The following MAPKAP1 variants were observed in gnomAD, a reference collection of about 807,000 sequenced individuals.
The protein encoded by MAPKAP1 is target of rapamycin complex 2 subunit MAPKAP1.
Under a neutral mutation model 65.7 loss-of-function variants are expected in MAPKAP1, and 20 were observed. That is an observed-to-expected ratio of 0.30 (90% CI 0.21 to 0.44). The LOEUF is 0.44. Among genes scored for constraint, MAPKAP1 ranks in the 20% least tolerant of loss-of-function variants. The pLI, the probability that MAPKAP1 is intolerant of heterozygous loss-of-function variation, is 1.00. For synonymous variants in MAPKAP1, 222 were observed against 244.3 expected, an observed-to-expected ratio of 0.91 and a Z score of 0.85; for missense variants, 423 against 648.0, an observed-to-expected ratio of 0.65 and a Z score of 3.77.
intron 7 of MAPKAP1, 103 bp downstream of exon 7, chr9:125,542,956 C>T: frequency 3.5e-6 from 3 of 845,284 alleles, no homozygotes; most frequent in Non-Finnish European, 4.2e-6. Context: ...CTAGCAATGA[C>T]ATCTGAAAGA....
At chr9:125,526,007 G>A (rs1269546049) in intron 7 of MAPKAP1, among the ~76,000 whole-genome samples, 1 of 152,208 alleles carries the variant, frequency 6.6e-6, no homozygotes, top group Non-Finnish European at 1.5e-5. Context: ...ACAATGGGGT[G>A]GTACTCCACA....
At chr9:125,486,122 A>G (rs1353480793) in intron 8 of MAPKAP1, among the ~76,000 whole-genome samples, 2 of 152,250 alleles carry the variant, frequency 1.3e-5, no homozygotes. Flanking sequence ...AGTATACATG[A>G]GTGCTTACCA....
chr9:125,535,125 T>A (rs1163225741), intron 7 of MAPKAP1, among the ~76,000 whole-genome samples: 1 of 152,256 alleles, frequency 6.6e-6, no homozygotes, highest in South Asian at 2.1e-4. Context: ...GCCTAGTTTC[T>A]GTAGCTTACC....
At chr9:125,528,507 G>T (rs1829837340) in intron 7 of MAPKAP1, among the ~76,000 whole-genome samples, 1 of 152,202 alleles carries the variant, frequency 6.6e-6, no homozygotes, top group South Asian at 2.1e-4. Context: ...CTCCCTCTAG[G>T]AGGGGAACTC....
chr9:125,440,373 GC>G (rs991042388), intron 11 of MAPKAP1, among the ~76,000 whole-genome samples: 5 of 152,240 alleles, frequency 3.3e-5, no homozygotes, highest in Non-Finnish European at 1.5e-5. Context: ...CTGCTCCGCA[GC>G]CTCTCACCTC....
At chr9:125,555,346 A>T (rs772482440) in intron 6 of MAPKAP1, among the ~76,000 whole-genome samples, 7 of 152,240 alleles carry the variant, frequency 4.6e-5, no homozygotes, top group Non-Finnish European at 8.8e-5. Context: ...AGAAACTGAG[A>T]CTTAACAAAG....
rs1255200748 is a variant in MAPKAP1 at position 125,438,141 on chromosome 9, C to G, written c.*746G>C. 7 of 386,170 alleles carry G rather than the reference C, an allele frequency of 1.8e-5. No individual in the cohort carries two copies. The highest frequency in any genetic ancestry group is 2.7e-5 in the Non-Finnish European group (6 of 218,774). 23.9% of individuals were successfully genotyped at this position (386,170 alleles called of 1,614,324 possible). On this transcript the variant is annotated 3_prime_UTR_variant, in exon 12 of 12. Transcript: ENST00000265960. Reference sequence around the variant, plus strand: ...GGAGTGCAGCGTGCCTGAGGACCAGCCACCGCCCCTCCTCCTGGCACCCCA... The same window carrying G: ...GGAGTGCAGCGTGCCTGAGGACCAGGCACCGCCCCTCCTCCTGGCACCCCA...
intron 1 of MAPKAP1, among the ~76,000 whole-genome samples, chr9:125,706,296 G>A (rs1234942618): frequency 5.3e-5 from 8 of 151,980 alleles, no homozygotes; most frequent in Admixed American, 5.3e-4. Context: ...ACCTGGGAAA[G>A]TTTTGAACTT....
intron 7 of MAPKAP1, among the ~76,000 whole-genome samples, chr9:125,525,934 T>A (rs548892472): frequency 3.3e-5 from 5 of 152,148 alleles, no homozygotes; most frequent in Non-Finnish European, 7.4e-5. Flanking sequence ...AACAGCCACC[T>A]CCTGAAATAA....
chr9:125,440,979 G>A (rs953378672), intron 11 of MAPKAP1, among the ~76,000 whole-genome samples: 1 of 152,174 alleles, frequency 6.6e-6, no homozygotes, highest in African/African-American at 2.4e-5. Context: ...ATTATCTTCA[G>A]TGCTTTGTGA....
At chr9:125,503,946 AG>A (rs1285374636) in intron 8 of MAPKAP1, among the ~76,000 whole-genome samples, 1 of 131,920 alleles carries the variant, frequency 7.6e-6, no homozygotes, top group Non-Finnish European at 1.5e-5. Context: ...CATGTTGGCC[AG>A]GCTGGTCTCG....
intron 7 of MAPKAP1, among the ~76,000 whole-genome samples, chr9:125,537,421 C>T (rs891293079): frequency 5.9e-5 from 9 of 152,196 alleles, no homozygotes; most frequent in African/African-American, 1.4e-4. Flanking sequence ...GCTCCCATGT[C>T]GTTGGAAGGG....
At chr9:125,500,417 T>C (rs1173580264) in intron 8 of MAPKAP1, among the ~76,000 whole-genome samples, 2 of 151,566 alleles carry the variant, frequency 1.3e-5, no homozygotes, top group Non-Finnish European at 2.9e-5. Flanking sequence ...ATGGTCTCGA[T>C]CTCCTGACCT....
chr9:125,455,993 T>C (rs1386250169), intron 10 of MAPKAP1, among the ~76,000 whole-genome samples: 1 of 152,272 alleles, frequency 6.6e-6, no homozygotes, highest in East Asian at 1.9e-4. Flanking sequence ...CACCTTCCTT[T>C]CTGAAGGATA....
intron 7 of MAPKAP1, among the ~76,000 whole-genome samples, chr9:125,515,390 T>A (rs1018690240): frequency 2.0e-5 from 3 of 152,182 alleles, no homozygotes; most frequent in African/African-American, 7.2e-5. Flanking sequence ...TGCTACAAAG[T>A]GCTGTTATCT....
intron 3 of MAPKAP1, among the ~76,000 whole-genome samples, chr9:125,668,153 T>C (rs1464076787): frequency 6.6e-6 from 1 of 152,222 alleles, no homozygotes; most frequent in East Asian, 1.9e-4. Flanking sequence ...ATAACCATAG[T>C]ATGAGAAATC....
intron 1 of MAPKAP1, among the ~76,000 whole-genome samples, chr9:125,680,656 A>T (rs1834795079): frequency 6.6e-6 from 1 of 152,226 alleles, no homozygotes; most frequent in Non-Finnish European, 1.5e-5. Context: ...CTAAAATAAC[A>T]GAAATGATTT....
intron 1 of MAPKAP1, among the ~76,000 whole-genome samples, chr9:125,673,927 G>A (rs1834568039): frequency 6.8e-6 from 1 of 148,108 alleles, no homozygotes; most frequent in Non-Finnish European, 1.5e-5. Context: ...GGGTGACATA[G>A]TGAGACCCTG....
intron 4 of MAPKAP1, among the ~76,000 whole-genome samples, chr9:125,610,841 G>A (rs1301049139): frequency 6.6e-6 from 1 of 152,160 alleles, no homozygotes. Context: ...ATCCTATTGG[G>A]AAAAACCTAA....
Sources: gnomAD v4.1 joint callset for allele counts (sites outside exome capture counted in the v4.1 genomes callset) on GRCh38, gnomAD v4.1.1 for gene constraint, MANE v1.5 for transcripts, NCBI Gene and HGNC (gene_info 2026-07-23, HGNC 2026-07-21) for gene names.